The following FOLH1 variants were observed in gnomAD, a reference collection of about 807,000 sequenced individuals.
The protein encoded by FOLH1 is glutamate carboxypeptidase 2.
In FOLH1, 54 loss-of-function variants were observed where a neutral mutation model predicts 93.9. The observed-to-expected ratio is 0.57, with a 90% CI of 0.46 to 0.72. The LOEUF is 0.72. Ranked by LOEUF, FOLH1 falls within the 30% of genes least tolerant of loss-of-function variation. The pLI is 0.00. For synonymous variants in FOLH1, 249 were observed against 303.6 expected (o/e 0.82, Z 1.87); for missense variants, 571 against 892.5 (o/e 0.64, Z 4.59).
At chr11:49,152,760 A>G (rs1378411119) in intron 17 of FOLH1, among the ~76,000 whole-genome samples, 1 of 152,104 alleles carries the variant, frequency 6.6e-6, no homozygotes, top group Non-Finnish European at 1.5e-5. Context: ...TCGTATTCTG[A>G]ACCATTTCAA....
intron 13 of FOLH1, among the ~76,000 whole-genome samples, chr11:49,162,091 G>A (rs1027650028): frequency 1.3e-5 from 2 of 152,212 alleles, no homozygotes; most frequent in Admixed American, 6.5e-5. Flanking sequence ...AGAATCTGAT[G>A]AGTATGTGTC....
chr11:49,156,902 T>A lies in FOLH1; in HGVS notation c.1533-95A>T, dbSNP rs566803067. 3 of 1,563,230 alleles carry A rather than the reference T, an allele frequency of 1.9e-6. No homozygotes were observed. In the East Asian group the frequency reaches 6.8e-5, roughly 36 times the overall value. On this transcript the variant is annotated intron_variant, in intron 14 of 18. Transcript: ENST00000256999. ...AAACTAAACCCCATTCTTACTATTA[T>A]AAATGTAATTTTAAACATACAGCTT...
In FOLH1 at chr11:49,146,287, T is replaced by A. The variant is rs910571068; in HGVS notation, c.*469A>T. Among the ~76,000 whole-genome samples the A allele has an allele frequency of 1.3e-5, 2 of 152,224 alleles. No individual in the cohort carries two copies. Among genetic ancestry groups the A allele is most frequent in the Non-Finnish European group, 2.9e-5 (2 of 68,036 alleles). On this transcript the variant is annotated 3_prime_UTR_variant, in exon 19 of 19. Coordinates refer to ENST00000256999, the MANE Select transcript of FOLH1 (RefSeq NM_004476.3). The stretch of plus-strand genomic sequence containing the variant: ...AGAGTGATAACATTTACTAAAAGTG[T>A]GATTTGATCCATTTCCCAAATAGTG...
chr11:49,152,493 A>G (rs1181123491), intron 17 of FOLH1, among the ~76,000 whole-genome samples: 1 of 152,196 alleles, frequency 6.6e-6, no homozygotes, highest in African/African-American at 2.4e-5. Context: ...TTATAAAAAT[A>G]ACATCACATT....
intron 4 of FOLH1, among the ~76,000 whole-genome samples, chr11:49,187,542 ACAT>A (rs10610895): frequency 0.034 from 5,119 of 152,328 alleles, 121 homozygotes; most frequent in Non-Finnish European, 0.051. Context: ...TTACTATTCA[ACAT>A]CATCAATTTT....
chr11:49,203,484 C>T (rs1295471423), intron 2 of FOLH1, among the ~76,000 whole-genome samples: 3 of 152,216 alleles, frequency 2.0e-5, no homozygotes, highest in Non-Finnish European at 4.4e-5. Flanking sequence ...TTAATAGTCT[C>T]TGACCCATGG....
chr11:49,158,715 T>C (rs1857297432), intron 13 of FOLH1, among the ~76,000 whole-genome samples: 1 of 152,174 alleles, frequency 6.6e-6, no homozygotes, highest in Non-Finnish European at 1.5e-5. Context: ...TATAAATTAC[T>C]TTGGGCAATA....
At chr11:49,198,475 C>A (rs1330931236) in intron 3 of FOLH1, among the ~76,000 whole-genome samples, 1 of 140,966 alleles carries the variant, frequency 7.1e-6, no homozygotes, top group East Asian at 2.0e-4. Flanking sequence ...AAGCGAGACT[C>A]CGTCTCAAAA....
intron 7 of FOLH1, among the ~76,000 whole-genome samples, chr11:49,181,678 C>CTT (rs1860754976): frequency 6.6e-6 from 1 of 152,010 alleles, no homozygotes; most frequent in African/African-American, 2.4e-5. Flanking sequence ...GTCATGAATA[C>CTT]TTAGTCTTTA....
chr11:49,185,688 T>A lies in FOLH1; in HGVS notation c.807A>T (p.Thr269=), dbSNP rs752584397. Residue 269 remains threonine, a synonymous_variant, in exon 6 of 19, where the codon ACA becomes ACT. Transcript: ENST00000256999. ...LNLNGAGDPL[T]PGYPANEYAY... ...ATTCACCATTTGCTGGGTAACCTGGTGTGAGAGGGTCTCCTGCACCATTCA... is the reference window on the plus strand; with the variant it reads ...ATTCACCATTTGCTGGGTAACCTGGAGTGAGAGGGTCTCCTGCACCATTCA... The A allele has an allele frequency of 2.5e-6, 4 of 1,613,716 alleles. No individual in the cohort carries two copies. Among genetic ancestry groups the A allele is most frequent in the Non-Finnish European group, 3.4e-6 (4 of 1,179,822 alleles).
At chr11:49,157,870 C>T in intron 14 of FOLH1, 82 bp downstream of exon 14, 2 of 1,324,268 alleles carry the variant, frequency 1.5e-6, no homozygotes, top group South Asian at 1.6e-5. Context: ...TAATTTTTCA[C>T]TTAATGATTG....
At position 49,154,280 on chromosome 11, in the gene FOLH1, G is replaced by A; in HGVS notation, c.1836C>T (p.Tyr612=). Residue 612 remains tyrosine (Y), a synonymous_variant, in exon 16 of 19, where the codon TAC becomes TAT. Transcript: ENST00000256999. ...VVLRKYADKI[Y]SISMKHPQEM... ...CCTGTGGATGTTTCATAGAAATACTGTAGATTTTGTCAGCATACTTTCTTA... is the reference window on the plus strand; with the variant it reads ...CCTGTGGATGTTTCATAGAAATACTATAGATTTTGTCAGCATACTTTCTTA... The A allele has an allele frequency of 6.2e-7, 1 of 1,613,412 alleles. No individual in the cohort carries two copies. The highest frequency in any genetic ancestry group is 8.5e-7 in the Non-Finnish European group (1 of 1,179,580).
Position 49,181,107 on chromosome 11 carries a change from ATT to A in FOLH1, c.920+2040_920+2041del, listed in dbSNP as rs35889777. Among the ~76,000 whole-genome samples the A allele has an allele frequency of 1.7e-3, 223 of 133,256 alleles. 1 individual carries two copies. Among genetic ancestry groups the A allele is most frequent in the Non-Finnish European group, 2.1e-3 (126 of 60,950 alleles). 87.4% of individuals were successfully genotyped at this position (133,256 alleles called of 152,430 possible). A position where few individuals can be genotyped will look rare whatever the true frequency, so the allele number is the denominator to read the frequency against. The stretch of plus-strand genomic sequence containing the variant: ...AAGATAATACAGGTTCATGTTTTAA[ATT>A]TTTTTTTTTTTTTTTTGAGACGGAG... On this transcript the variant is annotated intron_variant, in intron 7 of 18. Coordinates refer to ENST00000256999, the MANE Select transcript of FOLH1 (RefSeq NM_004476.3).
rs766678243 is a variant in FOLH1 at position 49,145,142 on chromosome 11, G to T, written c.*1614C>A. On this transcript the variant is annotated 3_prime_UTR_variant, in exon 19 of 19. Transcript: ENST00000256999. ...TATTATTCACCAGTTATCCAAATTT[G>T]GGTTATCCACTCCAAACTCCCACTT... 3.3e-5 allele frequency among the ~76,000 whole-genome samples: 5 copies of T among 152,094 alleles called. No individual in the cohort carries two copies. Among genetic ancestry groups the T allele is most frequent in the Non-Finnish European group, 5.9e-5 (4 of 68,008 alleles).
Position 49,208,356 on chromosome 11 carries a change from C to G in FOLH1, c.54G>C (p.Pro18=). The G allele has an allele frequency of 6.2e-7, 1 of 1,601,808 alleles. No homozygotes were observed. The highest frequency in any genetic ancestry group is 1.1e-5 in the South Asian group (1 of 89,662). ...CCAGCGCCCCAGCGCACAGCCAGCG[C>G]GGGCGGCGCGCGGTGGCCACAGCCG... The part of the protein sequence containing the change: ...TDSAVATARR[P]RWLCAGALVL... Residue 18 remains proline, a synonymous_variant, in exon 1 of 19, where the codon CCG becomes CCC. Coordinates refer to ENST00000256999, the MANE Select transcript of FOLH1 (RefSeq NM_004476.3).
At chr11:49,179,553 A>T (rs1860487139) in intron 7 of FOLH1, among the ~76,000 whole-genome samples, 1 of 152,216 alleles carries the variant, frequency 6.6e-6, no homozygotes, top group Non-Finnish European at 1.5e-5. Context: ...ATGCTTTGAG[A>T]TGAATGAAAA....
rs544450478 is a variant in FOLH1, at chr11:49,206,216, G to C, written c.119-44C>G. The C allele has an allele frequency of 3.7e-6, 6 of 1,607,324 alleles. 1 individual carries two copies. In the African/African-American group the frequency reaches 5.3e-5, roughly 14 times the overall value. On this transcript the variant is annotated intron_variant, in intron 1 of 18. Transcript: ENST00000256999. ...AATAGGCATGAGATACGAGCCTATA[G>C]ATAGGACTTATTTTTCATTATTGTT...
Position 49,200,339 on chromosome 11 carries a change from C to T in FOLH1, c.327G>A (p.Glu109=), listed in dbSNP as rs146289798. The T allele has an allele frequency of 1.8e-4, 297 of 1,613,172 alleles. No individual in the cohort carries two copies. The African/African-American group carries it at 3.3e-3, about 18-fold the overall frequency. Residue 109 remains glutamate (E), a synonymous_variant, in exon 3 of 19, where the codon GAG becomes GAA. Coordinates refer to ENST00000256999, the MANE Select transcript of FOLH1 (RefSeq NM_004476.3). ...ACAACAGGACATCATAATGTGCTAG[C>T]TCAACAGAATCCAGGCCAAATTCTT... ...QWKEFGLDSV[E]LAHYDVLLSY...
At chr11:49,169,943 G>C (rs1365521357) in intron 11 of FOLH1, among the ~76,000 whole-genome samples, 1 of 151,854 alleles carries the variant, frequency 6.6e-6, no homozygotes, top group African/African-American at 2.4e-5. Context: ...TAATTTGAAA[G>C]ACACAAATTA....
Sources: gnomAD v4.1 joint callset for allele counts (sites outside exome capture counted in the v4.1 genomes callset) on GRCh38, gnomAD v4.1.1 for gene constraint, MANE v1.5 for transcripts, NCBI Gene and HGNC (gene_info 2026-07-23, HGNC 2026-07-21) for gene names.